GABRG3: variants seen among roughly 807,000 people sequenced by gnomAD.
GABRG3 encodes gamma-aminobutyric acid receptor subunit gamma-3.
A neutral mutation model predicts 48.8 loss-of-function variants in GABRG3; 25 were observed. That is an observed-to-expected ratio of 0.51 (90% CI 0.37 to 0.72). The LOEUF (loss-of-function observed/expected upper bound fraction) is 0.72. Among genes scored for constraint, GABRG3 ranks in the 30% least tolerant of loss-of-function variants. The pLI is 0.00. For synonymous variants in GABRG3, 227 were observed against 217.6 expected (o/e 1.04, Z -0.38); for missense variants, 394 against 577.9 (o/e 0.68, Z 3.26).
chr15:27,472,936 C>T (rs1186824712), intron 5 of GABRG3, among the ~76,000 whole-genome samples: 1 of 152,114 alleles, frequency 6.6e-6, no homozygotes, highest in Non-Finnish European at 1.5e-5. Flanking sequence ...ATGGATTATA[C>T]TCATGAATTT....
At chr15:27,329,479 A>G (rs981288388) in intron 5 of GABRG3, among the ~76,000 whole-genome samples, 2 of 151,984 alleles carry the variant, frequency 1.3e-5, no homozygotes, top group African/African-American at 4.8e-5. Flanking sequence ...TGGTCAGGCT[A>G]GTCTCAAACT....
At chr15:27,482,037 A>G (rs1890111980) in intron 6 of GABRG3, among the ~76,000 whole-genome samples, 1 of 152,180 alleles carries the variant, frequency 6.6e-6, no homozygotes, top group Non-Finnish European at 1.5e-5. Flanking sequence ...ATGCAAAGTT[A>G]AGCTGAACCC....
chr15:27,249,961 T>G (rs896831033), intron 3 of GABRG3, among the ~76,000 whole-genome samples: 25 of 152,138 alleles, frequency 1.6e-4, no homozygotes, highest in African/African-American at 4.8e-5. Context: ...CAGGGCAGCC[T>G]GGAGAAGGCA....
chr15:26,984,303 G>A (rs1595455424), intron 2 of GABRG3, among the ~76,000 whole-genome samples: 1 of 151,936 alleles, frequency 6.6e-6, no homozygotes, highest in Non-Finnish European at 1.5e-5. Context: ...AACATACGTG[G>A]TCCAACTGCA....
chr15:27,347,195 C>A lies in GABRG3; in HGVS notation c.574+18307C>A, dbSNP rs145995964. Among the ~76,000 whole-genome samples, 810 of 152,294 alleles carry A rather than the reference C, an allele frequency of 5.3e-3. 13 individuals are homozygous for A. The highest frequency in any genetic ancestry group is 0.019 in the African/African-American group (786 of 41,560). On this transcript the variant is annotated intron_variant, in intron 5 of 9. Transcript: ENST00000615808. Reference sequence around the variant, plus strand: ...TTTCGACTTTGGGCTTCCCTAGGTACTTCTCCTCACATAGAGTCTGCATCT... The same window carrying A: ...TTTCGACTTTGGGCTTCCCTAGGTAATTCTCCTCACATAGAGTCTGCATCT...
Position 27,308,122 on chromosome 15 carries a change from A to T in GABRG3, c.271-18687A>T, listed in dbSNP as rs1484095409. On this transcript the variant is annotated intron_variant, in intron 3 of 9. Coordinates refer to ENST00000615808, the MANE Select transcript of GABRG3 (RefSeq NM_033223.5). ...AACATATATGTTTATACATCCAAAC[A>T]TATATAAACATATATGTTTATACAT... is the stretch of plus-strand genomic sequence containing the variant. 1.2e-4 allele frequency among the ~76,000 whole-genome samples: 14 copies of T among 114,394 alleles called. 1 individual carries two copies. Among genetic ancestry groups the T allele is most frequent in the Middle Eastern group, 0.014 (1 of 74 alleles). The allele number at this position is 114,394 out of a possible 152,430, so 75.0% of individuals were successfully genotyped here.
At chr15:27,498,788 G>C (rs1391516695) in intron 6 of GABRG3, among the ~76,000 whole-genome samples, 1 of 151,992 alleles carries the variant, frequency 6.6e-6, no homozygotes, top group Non-Finnish European at 1.5e-5. Flanking sequence ...TTACAGGTGT[G>C]AGCCACCACG....
intron 3 of GABRG3, among the ~76,000 whole-genome samples, chr15:27,197,930 T>C (rs1308226911): frequency 1.3e-5 from 2 of 152,222 alleles, no homozygotes; most frequent in African/African-American, 4.8e-5. Flanking sequence ...TGGTAGTTTG[T>C]ATTTCTGTGG....
chr15:27,107,480 C>T (rs1024967247), intron 3 of GABRG3, among the ~76,000 whole-genome samples: 5 of 151,866 alleles, frequency 3.3e-5, no homozygotes, highest in Non-Finnish European at 7.4e-5. Flanking sequence ...TTATGAAAAA[C>T]GTGGATCTCT....
chr15:27,022,379 A>G (rs1403611401), intron 2 of GABRG3, among the ~76,000 whole-genome samples: 1 of 152,200 alleles, frequency 6.6e-6, no homozygotes, highest in Non-Finnish European at 1.5e-5. Context: ...CACCTGACTT[A>G]TTAAATAACA....
In GABRG3 at chr15:27,267,102, C is replaced by CTT. The variant is rs57772496; in HGVS notation, c.271-59687_271-59686dup. ...TAGGGGGAAAACATCTAGTCTTTTA[C>CTT]TTTTTTTTTTTTTTTTTTTTTGAGA... On this transcript the variant is annotated intron_variant, in intron 3 of 9. Coordinates refer to ENST00000615808, the MANE Select transcript of GABRG3 (RefSeq NM_033223.5). Among the ~76,000 whole-genome samples the CTT allele has an allele frequency of 1.4e-4, 16 of 112,826 alleles. 1 individual carries two copies. The highest frequency in any genetic ancestry group is 2.3e-4 in the African/African-American group (7 of 30,366). 74.0% of individuals were successfully genotyped at this position (112,826 alleles called of 152,430 possible). A position where few individuals can be genotyped will look rare whatever the true frequency, so the allele number is the denominator to read the frequency against.
chr15:27,464,059 C>T (rs1450175886), intron 5 of GABRG3, among the ~76,000 whole-genome samples: 2 of 152,114 alleles, frequency 1.3e-5, no homozygotes, highest in African/African-American at 4.8e-5. Context: ...CATTTTCATA[C>T]TACTCCAGGT....
At chr15:27,170,511 G>A (rs78758715) in intron 3 of GABRG3, among the ~76,000 whole-genome samples, 3,510 of 152,210 alleles carry the variant, frequency 0.023, 141 homozygotes, top group African/African-American at 0.08. Flanking sequence ...AAAATGCTCA[G>A]CTGATCCAAA....
At chr15:27,121,704 A>C (rs2140376739) in intron 3 of GABRG3, among the ~76,000 whole-genome samples, 1 of 152,340 alleles carries the variant, frequency 6.6e-6, no homozygotes, top group Non-Finnish European at 1.5e-5. Context: ...CAGTGTATGA[A>C]CTCAGGCAGT....
chr15:27,259,667 G>T (rs1452608201), intron 3 of GABRG3, among the ~76,000 whole-genome samples: 3 of 152,126 alleles, frequency 2.0e-5, no homozygotes, highest in Non-Finnish European at 4.4e-5. Context: ...TTGTCAGTAA[G>T]TCTCTTCACT....
intron 3 of GABRG3, among the ~76,000 whole-genome samples, chr15:27,267,288 G>C (rs1399339425): frequency 6.6e-6 from 1 of 151,670 alleles, no homozygotes; most frequent in African/African-American, 2.4e-5. Context: ...TGTATTTTTA[G>C]TAGTGACAGG....
chr15:27,306,123 C>A (rs1892413696), intron 3 of GABRG3, among the ~76,000 whole-genome samples: 2 of 114,024 alleles, frequency 1.8e-5, no homozygotes, highest in Non-Finnish European at 3.4e-5. Context: ...ATAATATAAA[C>A]CTATATGTTT....
intron 3 of GABRG3, among the ~76,000 whole-genome samples, chr15:27,316,899 A>G (rs1016574630): frequency 1.3e-5 from 2 of 152,170 alleles, no homozygotes; most frequent in East Asian, 3.8e-4. Flanking sequence ...AGAGAATCTG[A>G]AAATTTTAGT....
intron 6 of GABRG3, among the ~76,000 whole-genome samples, chr15:27,504,677 GATTTCC>G (rs1008245546): frequency 6.7e-6 from 1 of 150,370 alleles, no homozygotes; most frequent in Non-Finnish European, 1.5e-5. Flanking sequence ...TGTGGATCCA[GATTTCC>G]ATTTGGTGTC....
Sources: gnomAD v4.1 joint callset for allele counts (sites outside exome capture counted in the v4.1 genomes callset) on GRCh38, gnomAD v4.1.1 for gene constraint, MANE v1.5 for transcripts, NCBI Gene and HGNC (gene_info 2026-07-23, HGNC 2026-07-21) for gene names.